Variants in JCAD observed in about 807,000 individuals in gnomAD.
JCAD encodes the protein junctional cadherin 5-associated protein.
A neutral mutation model predicts 98.0 loss-of-function variants in JCAD; 40 were observed. The observed-to-expected ratio is 0.41, with a 90% CI of 0.32 to 0.53. JCAD has a LOEUF of 0.53. JCAD is among the 20% of genes least tolerant of loss of function. The pLI is 0.31. For missense variants in JCAD, 1,705 were observed against 1,738.1 expected (o/e 0.98, Z 0.34); for synonymous variants, 691 against 682.3 (o/e 1.01, Z -0.20).
chr10:30,109,187 C>T (rs1046689960), intron 1 of JCAD, among the ~76,000 whole-genome samples: 4 of 152,122 alleles, frequency 2.6e-5, no homozygotes, highest in Non-Finnish European at 5.9e-5. Context: ...AGGGAGACTA[C>T]GATTGGCGGA....
At chr10:30,089,297 C>A (rs1476192511) in intron 1 of JCAD, among the ~76,000 whole-genome samples, 1 of 152,138 alleles carries the variant, frequency 6.6e-6, no homozygotes, top group Admixed American at 6.5e-5. Context: ...GCGAGTGCAA[C>A]GTGGCACCAC....
At chr10:30,051,485 A>T (rs2132648710) in intron 1 of JCAD, among the ~76,000 whole-genome samples, 1 of 152,330 alleles carries the variant, frequency 6.6e-6, no homozygotes, top group South Asian at 2.1e-4. Context: ...GCTATCATAA[A>T]GCCTGCTGTA....
At position 30,015,115 on chromosome 10, in the gene JCAD, T is replaced by C. The variant is rs1412254529; in HGVS notation, c.*2768A>G. The stretch of plus-strand genomic sequence containing the variant: ...CTAAATTACCATCATTTTCCCTTCT[T>C]TTGCAAATCAAGAAATACTAATCCA... On this transcript the variant is annotated 3_prime_UTR_variant, in exon 4 of 4. Coordinates refer to ENST00000375377, the MANE Select transcript of JCAD (RefSeq NM_020848.4). The C allele has an allele frequency of 1.3e-5, 2 of 152,218 alleles. No individual in the cohort carries two copies. Among genetic ancestry groups the C allele is most frequent in the Non-Finnish European group, 2.9e-5 (2 of 68,036 alleles). The allele number at this position is 152,218 out of a possible 1,614,324, so 9.4% of individuals were successfully genotyped here.
chr10:30,080,051 T>A (rs1838055208), intron 1 of JCAD, among the ~76,000 whole-genome samples: 1 of 152,078 alleles, frequency 6.6e-6, no homozygotes, highest in Non-Finnish European at 1.5e-5. Flanking sequence ...GCTACCTGAG[T>A]TGAGTAGTTT....
intron 1 of JCAD, among the ~76,000 whole-genome samples, chr10:30,113,422 G>A (rs1156265567): frequency 6.6e-6 from 1 of 151,646 alleles, no homozygotes; most frequent in Non-Finnish European, 1.5e-5. Context: ...GTGGTGGCAG[G>A]CGCCTGTAAT....
intron 1 of JCAD, among the ~76,000 whole-genome samples, chr10:30,049,545 T>C (rs1300944448): frequency 1.3e-5 from 2 of 152,232 alleles, no homozygotes; most frequent in Non-Finnish European, 2.9e-5. Flanking sequence ...CCCTACATTT[T>C]ATGGAAGCTG....
chr10:30,099,181 C>T (rs147566461), intron 1 of JCAD, among the ~76,000 whole-genome samples: 20 of 152,250 alleles, frequency 1.3e-4, no homozygotes, highest in African/African-American at 4.6e-4. Flanking sequence ...TAAACATAAT[C>T]CCAACTCATC....
At chr10:30,094,689 T>C (rs915167702) in intron 1 of JCAD, among the ~76,000 whole-genome samples, 1 of 152,154 alleles carries the variant, frequency 6.6e-6, no homozygotes, top group Admixed American at 6.5e-5. Context: ...TCAGTTCTCT[T>C]CCTGCTCCCA....
Position 30,029,806 on chromosome 10 carries a change from G to T in JCAD, c.342C>A (p.Ala114=). The T allele has an allele frequency of 6.2e-7, 1 of 1,614,208 alleles. No individual in the cohort carries two copies. The highest frequency in any genetic ancestry group is 8.5e-7 in the Non-Finnish European group (1 of 1,180,030). Reference sequence around the variant, plus strand: ...CTTCTTGCCGTCCTCTTCTCCGGTAGGCTTGGTCGTTACCAGTCGGGGGAT... The same window carrying T: ...CTTCTTGCCGTCCTCTTCTCCGGTATGCTTGGTCGTTACCAGTCGGGGGAT... ...SSHPPTGNDQ[A]YRRRGRQEAR... Residue 114 remains alanine, a synonymous_variant, in exon 3 of 4, where the codon GCC becomes GCA. Transcript: ENST00000375377.
intron 1 of JCAD, among the ~76,000 whole-genome samples, chr10:30,080,915 G>A (rs1838071225): frequency 1.3e-5 from 2 of 152,204 alleles, no homozygotes; most frequent in African/African-American, 4.8e-5. Context: ...TACCCAGATG[G>A]CCCCCGAAGC....
chr10:30,034,155 G>A (rs994066062), intron 2 of JCAD, among the ~76,000 whole-genome samples: 4 of 151,952 alleles, frequency 2.6e-5, no homozygotes, highest in Admixed American at 6.6e-5. Context: ...CCCGGGAGGA[G>A]GAGGTTGCAG....
chr10:30,086,987 G>C (rs2132690146), intron 1 of JCAD, among the ~76,000 whole-genome samples: 1 of 152,342 alleles, frequency 6.6e-6, no homozygotes, highest in South Asian at 2.1e-4. Context: ...TCAGGGTCCA[G>C]AGACTTGGGG....
chr10:30,094,387 T>C (rs1310226950), intron 1 of JCAD, among the ~76,000 whole-genome samples: 1 of 144,552 alleles, frequency 6.9e-6, no homozygotes, highest in Non-Finnish European at 1.5e-5. Context: ...AGGCGGGAGG[T>C]TGTGGTGAGC....
intron 1 of JCAD, among the ~76,000 whole-genome samples, chr10:30,098,986 T>A (rs909406870): frequency 5.3e-5 from 8 of 152,250 alleles, no homozygotes; most frequent in South Asian, 4.1e-4. Context: ...TCTGAGCTCC[T>A]TATTTACTTG....
intron 1 of JCAD, among the ~76,000 whole-genome samples, chr10:30,051,514 A>C (rs909734308): frequency 6.6e-6 from 1 of 152,246 alleles, no homozygotes; most frequent in Non-Finnish European, 1.5e-5. Context: ...AAATGTATAC[A>C]AACGACATCT....
rs993453529 is a variant in JCAD, at chr10:30,028,125, G to C, written c.2023C>G (p.Leu675Val). The C allele has an allele frequency of 4.3e-6, 7 of 1,614,228 alleles. No homozygotes were observed. Among genetic ancestry groups the C allele is most frequent in the Non-Finnish European group, 5.9e-6 (7 of 1,180,034 alleles). Residue 675 changes from leucine to valine, a missense_variant, in exon 3 of 4, where the codon CTC becomes GTC. Leu to Val is a conservative substitution (Grantham distance 32, BLOSUM62 1). Coordinates refer to ENST00000375377, the MANE Select transcript of JCAD (RefSeq NM_020848.4). ...SFIHLTKHRE[L>V]KHSGSWPGHR... ...CCTGGCCAAGAGCCAGAATGCTTGA[G>C]TTCTCTGTGCTTTGTAAGGTGGATG... is the stretch of plus-strand genomic sequence containing the variant.
chr10:30,076,918 A>G (rs1282705345), intron 1 of JCAD, among the ~76,000 whole-genome samples: 1 of 152,200 alleles, frequency 6.6e-6, no homozygotes, highest in African/African-American at 2.4e-5. Flanking sequence ...GCTCATTTTA[A>G]AAGGATTCTC....
At chr10:30,085,766 C>T (rs550580918) in intron 1 of JCAD, among the ~76,000 whole-genome samples, 1 of 152,204 alleles carries the variant, frequency 6.6e-6, no homozygotes, top group African/African-American at 2.4e-5. Flanking sequence ...TCCGTCATGA[C>T]TTAGTTACCT....
intron 1 of JCAD, among the ~76,000 whole-genome samples, chr10:30,089,254 G>T (rs1270938060): frequency 6.6e-6 from 1 of 152,150 alleles, no homozygotes; most frequent in East Asian, 1.9e-4. Flanking sequence ...TAGGTGGTGA[G>T]GGTGGGCTTC....
Sources: allele counts gnomAD v4.1 joint callset (sites outside exome capture counted in the v4.1 genomes callset), GRCh38; gene constraint gnomAD v4.1.1; transcripts MANE v1.5; gene names NCBI Gene and HGNC (gene_info 2026-07-23, HGNC 2026-07-21).